ERAP1: variants seen among roughly 807,000 people sequenced by gnomAD.
ERAP1 encodes adipocyte-derived leucine aminopeptidase.
ERAP1 carries 86 observed loss-of-function variants against 103.7 expected under a neutral mutation model. The observed-to-expected ratio is 0.83, with a 90% confidence interval of 0.70 to 0.99. ERAP1 has a LOEUF of 0.99. Ranked by LOEUF, ERAP1 falls within the 50% of genes least tolerant of loss-of-function variation. ERAP1 has a pLI of 0.00. For synonymous variants in ERAP1, 398 were observed against 402.4 expected, an observed-to-expected ratio of 0.99 and a Z score of 0.13; for missense variants, 1,009 against 1,128.4, an observed-to-expected ratio of 0.89 and a Z score of 1.52.
At chr5:96,880,295 T>G in the ERAP1 span, 1 of 1,554,168 alleles carries the variant, frequency 6.4e-7, no homozygotes, top group Non-Finnish European at 8.7e-7. Context: ...CATTCTTTTG[T>G]GATAATTTCC....
chr5:96,921,636 T>G, the ERAP1 span, among the ~76,000 whole-genome samples: 1 of 152,230 alleles, frequency 6.6e-6, no homozygotes, highest in Non-Finnish European at 1.5e-5. Flanking sequence ...TTCTTCTTTC[T>G]TCCAGATGTC....
intron 1 of ERAP1, among the ~76,000 whole-genome samples, chr5:96,807,122 CT>C (rs1561297748): frequency 6.6e-6 from 1 of 152,202 alleles, no homozygotes; most frequent in Non-Finnish European, 1.5e-5. Flanking sequence ...TGCTCTCCCC[CT>C]TCCCCTCATG....
At chr5:96,819,653 T>C in the ERAP1 span, among the ~76,000 whole-genome samples, 1 of 152,178 alleles carries the variant, frequency 6.6e-6, no homozygotes, top group Non-Finnish European at 1.5e-5. Flanking sequence ...CTAGGATTGT[T>C]TTTTTACGTA....
the ERAP1 span, among the ~76,000 whole-genome samples, chr5:96,900,984 G>A: frequency 3.3e-5 from 5 of 152,252 alleles, no homozygotes; most frequent in South Asian, 8.3e-4. Flanking sequence ...GTTTTCTAAA[G>A]GAAGGTTCAG....
At chr5:96,880,411 A>T in the ERAP1 span, 1 of 724,548 alleles carries the variant, frequency 1.4e-6, no homozygotes, top group Non-Finnish European at 2.3e-6. Flanking sequence ...CCATTCCTTA[A>T]GGAAACCACA....
chr5:96,778,077 G>A (rs1774610352), intron 18 of ERAP1, among the ~76,000 whole-genome samples: 1 of 152,190 alleles, frequency 6.6e-6, no homozygotes, highest in Non-Finnish European at 1.5e-5. Context: ...CAGGTAAAGT[G>A]CAAAGCCCCA....
chr5:96,881,477 G>C, the ERAP1 span: 4 of 456,196 alleles, frequency 8.8e-6, no homozygotes, highest in Non-Finnish European at 1.8e-5. Context: ...GATCCATCTG[G>C]GAGGTAAGAG....
the ERAP1 span, among the ~76,000 whole-genome samples, chr5:96,847,206 C>A: frequency 6.7e-6 from 1 of 149,190 alleles, no homozygotes; most frequent in African/African-American, 2.5e-5. Context: ...TGAGATCATG[C>A]CATTGCACTC....
the ERAP1 span, among the ~76,000 whole-genome samples, chr5:96,897,961 C>T: frequency 6.6e-6 from 1 of 152,178 alleles, no homozygotes; most frequent in Admixed American, 6.5e-5. Context: ...CTTTGGGACA[C>T]CAAGGTGGGT....
chr5:96,933,737 G>T, the ERAP1 span, among the ~76,000 whole-genome samples: 1 of 152,204 alleles, frequency 6.6e-6, no homozygotes, highest in African/African-American at 2.4e-5. Context: ...GTTGCAAAAG[G>T]AACTTCAAGG....
the ERAP1 span, among the ~76,000 whole-genome samples, chr5:96,859,544 C>T: frequency 2.0e-5 from 3 of 152,158 alleles, no homozygotes; most frequent in Non-Finnish European, 4.4e-5. Context: ...CTCAATGTCA[C>T]ACAAGCTGCA....
chr5:96,909,659 T>A, the ERAP1 span: 1 of 1,614,196 alleles, frequency 6.2e-7, no homozygotes, highest in Non-Finnish European at 8.5e-7. Flanking sequence ...GACAGGATGC[T>A]CCGCTCGGCT....
At chr5:96,856,335 A>ATAT in the ERAP1 span, among the ~76,000 whole-genome samples, 1 of 22,348 alleles carries the variant, frequency 4.5e-5, no homozygotes, top group Non-Finnish European at 1.1e-4. Context: ...AAAAAAAAAA[A>ATAT]AAAAAAAAAA....
At chr5:96,840,796 C>T in the ERAP1 span, among the ~76,000 whole-genome samples, 1 of 151,958 alleles carries the variant, frequency 6.6e-6, no homozygotes. Flanking sequence ...ACCTCCGCCT[C>T]CCGGGTTCAA....
At chr5:96,827,390 G>A in the ERAP1 span, among the ~76,000 whole-genome samples, 93 of 152,162 alleles carry the variant, frequency 6.1e-4, no homozygotes, top group Non-Finnish European at 1.1e-3. Flanking sequence ...GGCTGGGCGC[G>A]ATGGCTCACG....
chr5:96,906,170 G>A, the ERAP1 span, among the ~76,000 whole-genome samples: 1 of 133,072 alleles, frequency 7.5e-6, no homozygotes, highest in Non-Finnish European at 1.6e-5. Context: ...TCTTAACCAC[G>A]ACACGACACT....
the ERAP1 span, among the ~76,000 whole-genome samples, chr5:96,821,985 C>G: frequency 3.3e-5 from 5 of 152,214 alleles, 1 homozygote; most frequent in East Asian, 5.8e-4. Flanking sequence ...TATTTAAAAG[C>G]AATCATGGAG....
the ERAP1 span, among the ~76,000 whole-genome samples, chr5:96,900,466 A>G: frequency 6.6e-6 from 1 of 152,154 alleles, no homozygotes; most frequent in Non-Finnish European, 1.5e-5. Flanking sequence ...AGTGGTTACT[A>G]CTGCATTGGC....
At chr5:96,817,042 G>T in the ERAP1 span, among the ~76,000 whole-genome samples, 11 of 152,188 alleles carry the variant, frequency 7.2e-5, no homozygotes, top group African/African-American at 2.7e-4. Flanking sequence ...AGTGTTCATT[G>T]TTTAGAGAGT....
Sources: allele counts gnomAD v4.1 joint callset (sites outside exome capture counted in the v4.1 genomes callset), GRCh38; gene constraint gnomAD v4.1.1; transcripts MANE v1.5; gene names NCBI Gene and HGNC (gene_info 2026-07-23, HGNC 2026-07-21).